The following SRGAP3 variants were observed in gnomAD, a reference collection of about 807,000 sequenced individuals.
The protein encoded by SRGAP3 is SLIT-ROBO Rho GTPase-activating protein 3.
SRGAP3 carries 39 observed loss-of-function variants against 121.1 expected under a neutral mutation model. That is an observed-to-expected ratio of 0.32 (90% CI 0.25 to 0.42). The LOEUF (loss-of-function observed/expected upper bound fraction) is 0.42. Ranked by LOEUF, SRGAP3 falls within the 10% of genes least tolerant of loss-of-function variation. SRGAP3 has a pLI of 1.00. For missense variants in SRGAP3, 1,213 were observed against 1,470.6 expected (o/e 0.82, Z 2.86); for synonymous variants, 601 against 570.0 (o/e 1.05, Z -0.77).
At chr3:9,238,196 G>C (rs564658120) in intron 1 of SRGAP3, among the ~76,000 whole-genome samples, 30 of 152,310 alleles carry the variant, frequency 2.0e-4, no homozygotes, top group African/African-American at 6.5e-4. Flanking sequence ...ACTGGTCCCA[G>C]CAAGAGGTAA....
At chr3:9,014,150 G>C (rs1943517294) in intron 15 of SRGAP3, 3 of 443,244 alleles carry the variant, frequency 6.8e-6, no homozygotes, top group Admixed American at 6.9e-5. Flanking sequence ...CACAGTGGGG[G>C]CCCCTGAGAG....
At chr3:9,040,966 C>T (rs1944982869) in intron 10 of SRGAP3, among the ~76,000 whole-genome samples, 1 of 152,246 alleles carries the variant, frequency 6.6e-6, no homozygotes, top group South Asian at 2.1e-4. Context: ...ACTGCGCTGA[C>T]ACCAAGGTCT....
chr3:9,031,965 T>A (rs1231573808), intron 12 of SRGAP3, among the ~76,000 whole-genome samples: 6 of 152,304 alleles, frequency 3.9e-5, no homozygotes, highest in South Asian at 4.2e-4. Flanking sequence ...TTATATCTGA[T>A]ATGGCTTAAT....
Position 9,201,594 on chromosome 3 carries a change from C to T in SRGAP3, c.67+47291G>A, listed in dbSNP as rs562120727. Among the ~76,000 whole-genome samples the T allele has an allele frequency of 3.9e-5, 6 of 152,316 alleles. No individual in the cohort carries two copies. The South Asian group carries it at 6.2e-4, about 16-fold the overall frequency. The stretch of plus-strand genomic sequence containing the variant: ...CCACTTGCCTTCAGGACCCTATAAC[C>T]GGTTCCTTCCTAACTAGGGAGTCAG... On this transcript the variant is annotated intron_variant, in intron 1 of 21. Transcript: ENST00000383836.
chr3:9,083,720 C>T (rs1332669408), intron 3 of SRGAP3, among the ~76,000 whole-genome samples: 2 of 152,176 alleles, frequency 1.3e-5, no homozygotes, highest in African/African-American at 4.8e-5. Flanking sequence ...TGGGCAGGGA[C>T]CCCATCCTAG....
chr3:9,320,157 CT>C, intron 3 of SRGAP3, among the ~76,000 whole-genome samples: 1 of 152,018 alleles, frequency 6.6e-6, no homozygotes, highest in Middle Eastern at 3.4e-3. Flanking sequence ...GCCCTCTGGG[CT>C]TGTTAACCTG....
In SRGAP3 at chr3:9,208,293, C is replaced by T. The variant is rs377649325; in HGVS notation, c.67+40592G>A. Among the ~76,000 whole-genome samples the T allele has an allele frequency of 1.3e-4, 20 of 152,190 alleles. No individual in the cohort carries two copies. The South Asian group carries it at 1.9e-3, about 14-fold the overall frequency. On this transcript the variant is annotated intron_variant, in intron 1 of 21. Coordinates refer to ENST00000383836, the MANE Select transcript of SRGAP3 (RefSeq NM_014850.4). ...ACAGCATCTCCCAGTGTCAAAACAT[C>T]GCAGGCAGAGCAATATGAATCTAGA...
At chr3:9,351,560 A>C (rs372405225) in intron 1 of SRGAP3, among the ~76,000 whole-genome samples, 66 of 152,294 alleles carry the variant, frequency 4.3e-4, no homozygotes, top group African/African-American at 1.5e-3. Context: ...CCCTGAGGGA[A>C]GAAGAAGAGC....
intron 3 of SRGAP3, among the ~76,000 whole-genome samples, chr3:9,316,781 G>A (rs1045248649): frequency 3.9e-5 from 6 of 152,130 alleles, no homozygotes. Context: ...AACTATCCAA[G>A]CAATTTCTAA....
chr3:9,014,698 A>T (rs1328186769), intron 15 of SRGAP3: 1 of 152,250 alleles, frequency 6.6e-6, no homozygotes, highest in Admixed American at 6.5e-5. Flanking sequence ...AGAGAGGAAC[A>T]GAAGGGTCTT....
intron 3 of SRGAP3, among the ~76,000 whole-genome samples, chr3:9,312,306 C>T (rs781599409): frequency 1.3e-5 from 2 of 152,300 alleles, no homozygotes; most frequent in African/African-American, 4.8e-5. Flanking sequence ...AGGCACCCAC[C>T]ACCACGCCCG....
At chr3:9,286,982 C>T (rs143281410) in intron 3 of SRGAP3, among the ~76,000 whole-genome samples, 1 of 126,050 alleles carries the variant, frequency 7.9e-6, no homozygotes, top group African/African-American at 3.0e-5. Flanking sequence ...CACACACTGA[C>T]ACTCTTTTTT....
At chr3:9,309,273 G>A (rs1276340406) in intron 3 of SRGAP3, among the ~76,000 whole-genome samples, 1 of 152,230 alleles carries the variant, frequency 6.6e-6, no homozygotes, top group Non-Finnish European at 1.5e-5. Flanking sequence ...GAACAACAGA[G>A]TGTTGTATTA....
At chr3:9,135,064 G>A (rs1030106833) in intron 1 of SRGAP3, among the ~76,000 whole-genome samples, 10 of 151,986 alleles carry the variant, frequency 6.6e-5, no homozygotes, top group Admixed American at 2.6e-4. Context: ...CAACACAGTC[G>A]CCACTAGCCA....
chr3:9,173,264 C>G (rs1009553560), intron 1 of SRGAP3, among the ~76,000 whole-genome samples: 1 of 152,214 alleles, frequency 6.6e-6, no homozygotes, highest in African/African-American at 2.4e-5. Flanking sequence ...CACATAAGCA[C>G]AGAGGACAGG....
At chr3:9,047,234 A>C (rs1012545325) in intron 10 of SRGAP3, among the ~76,000 whole-genome samples, 157 bp downstream of exon 10, 1 of 152,092 alleles carries the variant, frequency 6.6e-6, no homozygotes, top group African/African-American at 2.4e-5. Flanking sequence ...ATCTGTACCA[A>C]GGTGATTTTC....
In SRGAP3 at chr3:8,985,781, A is replaced by C; in HGVS notation, c.3038T>G (p.Leu1013Arg). ...GPVSSEPASP[L>R]HTIVIRDPDA... is the part of the protein sequence containing the mutation. ...GGGGTCGCGGATGACGATGGTGTGAAGGGGACTGGCGGGCTCCGAGCTGAC... is the reference window on the plus strand; with the variant it reads ...GGGGTCGCGGATGACGATGGTGTGACGGGGACTGGCGGGCTCCGAGCTGAC... The change falls in exon 22 of 22, where the codon CTT becomes CGT. Residue 1013 changes from leucine to arginine, a missense_variant. Physicochemically the swap from Leu to Arg is moderately radical, Grantham distance 102 (BLOSUM62 -2). Coordinates refer to ENST00000383836, the MANE Select transcript of SRGAP3 (RefSeq NM_014850.4). The surrounding 1 kb of genome is among the most constrained non-coding windows in gnomAD (Gnocchi z 5.1). The C allele has an allele frequency of 6.2e-7, 1 of 1,600,154 alleles. No individual in the cohort carries two copies. The highest frequency in any genetic ancestry group is 8.5e-7 in the Non-Finnish European group (1 of 1,179,802).
rs1394813707 is a variant in SRGAP3, at chr3:8,980,815, T to C, written c.*4704A>G. On this transcript the variant is annotated 3_prime_UTR_variant, in exon 22 of 22. Coordinates refer to ENST00000383836, the MANE Select transcript of SRGAP3 (RefSeq NM_014850.4). The stretch of plus-strand genomic sequence containing the variant: ...TTTGGTCTGTTTTTCCTGTCACAAT[T>C]TGGGGAGGAAGGAAACCAAAGGAAA... The C allele has an allele frequency of 4.3e-6, 1 of 232,994 alleles. No individual in the cohort carries two copies. Among genetic ancestry groups the C allele is most frequent in the African/African-American group, 2.2e-5 (1 of 45,286 alleles). 14.4% of individuals were successfully genotyped at this position (232,994 alleles called of 1,614,324 possible).
chr3:9,175,581 GA>G (rs541126152), intron 1 of SRGAP3, among the ~76,000 whole-genome samples: 8 of 152,210 alleles, frequency 5.3e-5, no homozygotes, highest in Non-Finnish European at 1.2e-4. Flanking sequence ...CTGCTATGGG[GA>G]AAAGCTGGGA....
Sources: gnomAD v4.1 joint callset for allele counts (sites outside exome capture counted in the v4.1 genomes callset) on GRCh38, gnomAD v4.1.1 for gene constraint, Gnocchi (gnomAD v3.1) non-coding constraint, MANE v1.5 for transcripts, NCBI Gene and HGNC (gene_info 2026-07-23, HGNC 2026-07-21) for gene names.